The following GOLPH3L variants were observed in gnomAD, a reference collection of about 807,000 sequenced individuals.
GOLPH3L encodes Golgi phosphoprotein 3-like.
Under a neutral mutation model 30.3 loss-of-function variants are expected in GOLPH3L, and 22 were observed. That is an observed-to-expected ratio of 0.73 (90% CI 0.52 to 1.04). GOLPH3L has a LOEUF of 1.04. GOLPH3L is among the 50% of genes least tolerant of loss of function. The probability of loss-of-function intolerance (pLI) is 0.00; values close to 1 mark genes in which losing one functional copy is unlikely to be tolerated. For synonymous variants in GOLPH3L, 120 were observed against 128.2 expected, an observed-to-expected ratio of 0.94 and a Z score of 0.43; for missense variants, 303 against 345.8, an observed-to-expected ratio of 0.88 and a Z score of 0.98.
chr1:150,670,797 A>T (rs1360422185), intron 2 of GOLPH3L, among the ~76,000 whole-genome samples: 1 of 152,094 alleles, frequency 6.6e-6, no homozygotes, highest in Non-Finnish European at 1.5e-5. Context: ...TCATTAACCC[A>T]TTATTCTGGG....
At chr1:150,658,747 A>T (rs587696039) in intron 4 of GOLPH3L, among the ~76,000 whole-genome samples, 1 of 152,344 alleles carries the variant, frequency 6.6e-6, no homozygotes, top group East Asian at 1.9e-4. Context: ...TAGAAATGGT[A>T]AGAAGTATGA....
intron 2 of GOLPH3L, among the ~76,000 whole-genome samples, chr1:150,681,218 T>C (rs1571051508): frequency 6.6e-6 from 1 of 152,160 alleles, no homozygotes; most frequent in East Asian, 1.9e-4. Context: ...CTCTATTAAA[T>C]AAGAATGAAG....
chr1:150,692,916 T>A (rs587741135), intron 2 of GOLPH3L, among the ~76,000 whole-genome samples: 1 of 152,350 alleles, frequency 6.6e-6, no homozygotes, highest in Non-Finnish European at 1.5e-5. Context: ...TAGTTCTATA[T>A]CCTCTTTTTA....
intron 2 of GOLPH3L, among the ~76,000 whole-genome samples, chr1:150,667,759 A>C (rs1006822742): frequency 2.6e-5 from 4 of 151,688 alleles, no homozygotes; most frequent in Non-Finnish European, 4.4e-5. Flanking sequence ...CACCCAGCTA[A>C]ATTTTTTTAT....
chr1:150,678,271 C>T (rs1316795281), intron 2 of GOLPH3L, among the ~76,000 whole-genome samples: 2 of 104,664 alleles, frequency 1.9e-5, no homozygotes, highest in Non-Finnish European at 3.6e-5. Flanking sequence ...GCAACAAGAT[C>T]GAAACTCCGT....
At chr1:150,695,499 C>T (rs999717961) in intron 1 of GOLPH3L, among the ~76,000 whole-genome samples, 1 of 151,952 alleles carries the variant, frequency 6.6e-6, no homozygotes, top group Admixed American at 6.6e-5. Flanking sequence ...ATTGTCACTC[C>T]TCTTTCACAA....
Position 150,687,643 on chromosome 1 carries a change from T to C in GOLPH3L, c.183+7013A>G, listed in dbSNP as rs979501505. Among the ~76,000 whole-genome samples, 7 of 152,286 alleles carry C rather than the reference T, an allele frequency of 4.6e-5. No homozygotes were observed. The East Asian group carries it at 1.2e-3, about 25-fold the overall frequency. The stretch of plus-strand genomic sequence containing the variant: ...TTACCAGCTTTAAAGAAGCTTTTAC[T>C]TCTAATCTCCTATTGCTAATAAAGA... On this transcript the variant is annotated intron_variant, in intron 2 of 4. Transcript: ENST00000271732.
chr1:150,668,864 G>C (rs1232236466), intron 2 of GOLPH3L, among the ~76,000 whole-genome samples: 1 of 152,010 alleles, frequency 6.6e-6, no homozygotes, highest in Non-Finnish European at 1.5e-5. Context: ...AAACATTTTA[G>C]CCAATATTAA....
At chr1:150,673,110 T>G (rs969837554) in intron 2 of GOLPH3L, among the ~76,000 whole-genome samples, 1 of 152,170 alleles carries the variant, frequency 6.6e-6, no homozygotes. Context: ...AATTCCCATA[T>G]AAGCTTTAAA....
chr1:150,660,059 C>T (rs888049270), intron 4 of GOLPH3L, among the ~76,000 whole-genome samples: 1 of 151,868 alleles, frequency 6.6e-6, no homozygotes, highest in Non-Finnish European at 1.5e-5. Context: ...AAAACCTCAA[C>T]AACAACAAAA....
chr1:150,688,644 G>A (rs1651144667), intron 2 of GOLPH3L, among the ~76,000 whole-genome samples: 1 of 152,140 alleles, frequency 6.6e-6, no homozygotes, highest in Admixed American at 6.6e-5. Flanking sequence ...CCAGCTACTT[G>A]GGAGGCTGAG....
In GOLPH3L at chr1:150,652,362, C is replaced by T. The variant is rs587725498; in HGVS notation, c.431-3614G>A. On this transcript the variant is annotated intron_variant, in intron 4 of 4. Transcript: ENST00000271732. ...TGCCACCGCACTCCAGACTGGGTGACAGAGTGAGACTCTGTCTCAAAAAAA... is the reference window on the plus strand; with the variant it reads ...TGCCACCGCACTCCAGACTGGGTGATAGAGTGAGACTCTGTCTCAAAAAAA... 1.2e-4 allele frequency among the ~76,000 whole-genome samples: 12 copies of T among 100,768 alleles called. No individual in the cohort carries two copies. The East Asian group carries it at 4.1e-3, about 35-fold the overall frequency. 66.1% of individuals were successfully genotyped at this position (100,768 alleles called of 152,430 possible). A position where few individuals can be genotyped will look rare whatever the true frequency, so the allele number is the denominator to read the frequency against.
Position 150,650,169 on chromosome 1 carries a change from C to G in GOLPH3L, c.431-1421G>C, listed in dbSNP as rs114827517. On this transcript the variant is annotated intron_variant, in intron 4 of 4. Transcript: ENST00000271732. ...TTGTGATGGCTATGTCAAAATCACA[C>G]ACACATATCCAACAGTAAAGGATAA... 1.8e-3 allele frequency among the ~76,000 whole-genome samples: 269 copies of G among 152,118 alleles called. 1 individual carries two copies. The highest frequency in any genetic ancestry group is 6.2e-3 in the African/African-American group (257 of 41,494).
intron 4 of GOLPH3L, 131 bp downstream of exon 4, chr1:150,661,683 C>T: frequency 3.4e-6 from 2 of 581,480 alleles, no homozygotes; most frequent in Non-Finnish European, 6.2e-6. Flanking sequence ...TTCTGTCCCT[C>T]ATTAGAATTA....
chr1:150,685,769 G>C (rs1241634732), intron 2 of GOLPH3L, among the ~76,000 whole-genome samples: 1 of 151,762 alleles, frequency 6.6e-6, no homozygotes, highest in South Asian at 2.1e-4. Flanking sequence ...TATTCAAGGA[G>C]GTGAAATTAT....
At chr1:150,684,925 C>T (rs1651048191) in intron 2 of GOLPH3L, among the ~76,000 whole-genome samples, 1 of 152,104 alleles carries the variant, frequency 6.6e-6, no homozygotes, top group Admixed American at 6.6e-5. Flanking sequence ...GCCTCGGCCT[C>T]CCAAAGTGCT....
intron 2 of GOLPH3L, among the ~76,000 whole-genome samples, chr1:150,677,386 G>A (rs1340812104): frequency 6.6e-6 from 1 of 151,996 alleles, no homozygotes; most frequent in Non-Finnish European, 1.5e-5. Flanking sequence ...ACAGGCGTAT[G>A]TCACCGTGCC....
intron 4 of GOLPH3L, among the ~76,000 whole-genome samples, chr1:150,653,788 G>T (rs1261084009): frequency 6.8e-6 from 1 of 146,790 alleles, no homozygotes; most frequent in Non-Finnish European, 1.5e-5. Context: ...TTGAGATGGA[G>T]TTTCACTCTT....
At chr1:150,692,955 G>A (rs1045328587) in intron 2 of GOLPH3L, among the ~76,000 whole-genome samples, 97 of 152,312 alleles carry the variant, frequency 6.4e-4, no homozygotes, top group African/African-American at 2.3e-3. Flanking sequence ...CCTAGGTAAT[G>A]TGTAAACGTC....
Sources: gnomAD v4.1 joint callset for allele counts (sites outside exome capture counted in the v4.1 genomes callset) on GRCh38, gnomAD v4.1.1 for gene constraint, MANE v1.5 for transcripts, NCBI Gene and HGNC (gene_info 2026-07-23, HGNC 2026-07-21) for gene names.